PEBP4: variants seen among roughly 807,000 people sequenced by gnomAD.
PEBP4 encodes the protein phosphatidylethanolamine-binding protein 4.
Under a neutral mutation model 23.9 loss-of-function variants are expected in PEBP4, and 22 were observed. The ratio of observed to expected loss-of-function variants is 0.92; its 90% confidence interval spans 0.66 to 1.31. PEBP4 has a LOEUF of 1.31. Ranked by LOEUF, PEBP4 falls within the 40% of genes most tolerant of loss-of-function variation. The pLI is 0.00. For missense variants in PEBP4, 324 were observed against 281.7 expected (o/e 1.15, Z -1.07); for synonymous variants, 112 against 99.3 (o/e 1.13, Z -0.76).
chr8:22,883,432 C>A (rs1401978175), intron 3 of PEBP4, among the ~76,000 whole-genome samples: 2 of 152,120 alleles, frequency 1.3e-5, no homozygotes. Context: ...ACCTGATCTC[C>A]CTGTGCCCCA....
intron 2 of PEBP4, among the ~76,000 whole-genome samples, chr8:22,926,007 G>T (rs544895830): frequency 1.3e-5 from 2 of 152,166 alleles, no homozygotes; most frequent in East Asian, 3.9e-4. Flanking sequence ...ACAGAGTCTT[G>T]GTCTGTCGCC....
chr8:22,797,927 C>T (rs756720785), intron 4 of PEBP4, among the ~76,000 whole-genome samples: 6 of 152,008 alleles, frequency 3.9e-5, no homozygotes, highest in East Asian at 1.9e-4. Context: ...TGGCTGTGCA[C>T]GGGTGCAGGA....
intron 4 of PEBP4, among the ~76,000 whole-genome samples, chr8:22,731,759 T>C (rs1417675454): frequency 5.3e-5 from 8 of 151,622 alleles, no homozygotes; most frequent in Non-Finnish European, 7.4e-5. Context: ...CCCGGGTTCA[T>C]GCCATTCTCC....
chr8:22,791,716 TTTAAG>T (rs1237162091), intron 4 of PEBP4, among the ~76,000 whole-genome samples: 5 of 152,346 alleles, frequency 3.3e-5, no homozygotes, highest in East Asian at 3.9e-4. Flanking sequence ...GAAGCCAATA[TTTAAG>T]TTATCATATT....
intron 3 of PEBP4, chr8:22,886,716 C>G (rs1170792455): frequency 6.6e-6 from 1 of 152,398 alleles, no homozygotes; most frequent in African/African-American, 2.4e-5. Context: ...ACTCCTCACA[C>G]AGCAGCAACA....
Position 22,775,827 on chromosome 8 carries a change from C to CT in PEBP4, c.357+41809dup, listed in dbSNP as rs1805804639. On this transcript the variant is annotated intron_variant, in intron 4 of 6. Transcript: ENST00000256404. This position sits in a 1 kb window ranked among gnomAD's most constrained non-coding sequence, Gnocchi z 4.8. ...CAGGCTGGAAGGGCTTCCGGAATCT[C>CT]TGAGTGGGCAGGAAGGATTGCCCGA... 6.6e-6 allele frequency among the ~76,000 whole-genome samples: 1 copy of CT among 152,078 alleles called. No homozygotes were observed. Among genetic ancestry groups the CT allele is most frequent in the Non-Finnish European group, 1.5e-5 (1 of 68,018 alleles).
intron 4 of PEBP4, among the ~76,000 whole-genome samples, chr8:22,809,959 A>G (rs1806583768): frequency 6.6e-6 from 1 of 152,236 alleles, no homozygotes; most frequent in African/African-American, 2.4e-5. Flanking sequence ...ATGGATAATT[A>G]CTGTCATTAA....
intron 4 of PEBP4, among the ~76,000 whole-genome samples, chr8:22,809,360 T>C (rs1585284683): frequency 6.6e-6 from 1 of 152,048 alleles, no homozygotes; most frequent in Non-Finnish European, 1.5e-5. Context: ...CTGAGGCAGG[T>C]GTGGCTAGAG....
At chr8:22,919,546 C>T (rs1225382714) in intron 3 of PEBP4, among the ~76,000 whole-genome samples, 4 of 152,176 alleles carry the variant, frequency 2.6e-5, no homozygotes, top group African/African-American at 9.7e-5. Flanking sequence ...ATGACTCTTC[C>T]CCAGGCTTTC....
intron 4 of PEBP4, among the ~76,000 whole-genome samples, chr8:22,767,431 C>T (rs142484818): frequency 5.9e-5 from 9 of 152,358 alleles, no homozygotes; most frequent in East Asian, 3.9e-4. Context: ...AATGTTGTCA[C>T]GTCCGCTGTC....
intron 3 of PEBP4, among the ~76,000 whole-genome samples, chr8:22,901,130 A>G (rs1808701839): frequency 6.6e-6 from 1 of 152,230 alleles, no homozygotes; most frequent in Non-Finnish European, 1.5e-5. Flanking sequence ...CTGCCTTCTT[A>G]TGAACGTAAA....
intron 4 of PEBP4, among the ~76,000 whole-genome samples, chr8:22,751,188 G>C (rs1805247782): frequency 6.6e-6 from 1 of 152,164 alleles, no homozygotes; most frequent in Admixed American, 6.5e-5. Flanking sequence ...TTCTGGATAG[G>C]GTTGGGGCTG....
intron 4 of PEBP4, among the ~76,000 whole-genome samples, chr8:22,802,479 G>GTGGGGC (rs1381653348): frequency 6.6e-6 from 1 of 152,222 alleles, no homozygotes; most frequent in East Asian, 1.9e-4. Flanking sequence ...CCTCGCCCCT[G>GTGGGGC]CTCAAGGGCC....
At chr8:22,777,321 G>A (rs1805833054) in intron 4 of PEBP4, among the ~76,000 whole-genome samples, 3 of 152,162 alleles carry the variant, frequency 2.0e-5, no homozygotes, top group Admixed American at 6.5e-5. Flanking sequence ...GCTACCCCAG[G>A]AGAACTTTCT....
chr8:22,908,365 AAAACAAACAAAC>A (rs752092032), intron 3 of PEBP4, among the ~76,000 whole-genome samples: 45 of 150,682 alleles, frequency 3.0e-4, no homozygotes, highest in Admixed American at 8.0e-4. Context: ...GGCCAAGGGG[AAAACAAACAAAC>A]AAACAAACAA....
chr8:22,790,407 G>A (rs1335961599), intron 4 of PEBP4, among the ~76,000 whole-genome samples: 8 of 152,182 alleles, frequency 5.3e-5, no homozygotes, highest in Admixed American at 5.2e-4. Context: ...GGCTGAGGTA[G>A]ACCAGGAAGC....
intron 4 of PEBP4, among the ~76,000 whole-genome samples, chr8:22,741,670 C>T (rs950495619): frequency 8.5e-5 from 13 of 152,102 alleles, no homozygotes; most frequent in Non-Finnish European, 1.8e-4. Context: ...TGTTAAGGGC[C>T]GCTCAGCTGA....
chr8:22,765,807 C>T (rs918679870), intron 4 of PEBP4, among the ~76,000 whole-genome samples: 1 of 151,458 alleles, frequency 6.6e-6, no homozygotes, highest in African/African-American at 2.4e-5. Context: ...GGATCACCAC[C>T]ATTCATGGAT....
At chr8:22,764,840 C>T (rs2128753335) in intron 4 of PEBP4, among the ~76,000 whole-genome samples, 1 of 152,160 alleles carries the variant, frequency 6.6e-6, no homozygotes, top group South Asian at 2.1e-4. Flanking sequence ...GATGATTTGA[C>T]AGAGGCCTCT....
Sources: allele counts gnomAD v4.1 joint callset (sites outside exome capture counted in the v4.1 genomes callset), GRCh38; gene constraint gnomAD v4.1.1; non-coding constraint Gnocchi (gnomAD v3.1); transcripts MANE v1.5; gene names NCBI Gene and HGNC (gene_info 2026-07-23, HGNC 2026-07-21).